DIP2B: variants seen among roughly 807,000 people sequenced by gnomAD.
DIP2B encodes the protein DIP2 acetate--CoA ligase B (putative).
Under a neutral mutation model 198.0 loss-of-function variants are expected in DIP2B, and 76 were observed. The observed-to-expected ratio is 0.38, with a 90% CI of 0.32 to 0.46. DIP2B has a LOEUF of 0.46. DIP2B is among the 20% of genes least tolerant of loss of function. DIP2B has a pLI of 0.99. For missense variants in DIP2B, 1,559 were observed against 1,978.4 expected (o/e 0.79, Z 4.02); for synonymous variants, 701 against 739.1 (o/e 0.95, Z 0.84).
chr12:50,719,300 C>G (rs1286918959), intron 25 of DIP2B, among the ~76,000 whole-genome samples: 1 of 152,108 alleles, frequency 6.6e-6, no homozygotes, highest in East Asian at 1.9e-4. Context: ...GAAATGGAGC[C>G]AACAATGCAA....
At position 50,697,086 on chromosome 12, in the gene DIP2B, C is replaced by T. The variant is rs754086810; in HGVS notation, c.1959C>T (p.Phe653=). 1 of 1,613,974 alleles carries T rather than the reference C, an allele frequency of 6.2e-7. No individual in the cohort carries two copies. The highest frequency in any genetic ancestry group is 1.7e-5 in the Admixed American group (1 of 59,982). Residue 653 remains phenylalanine (F), a synonymous_variant, in exon 17 of 38, where the codon TTC becomes TTT. Coordinates refer to ENST00000301180, the MANE Select transcript of DIP2B (RefSeq NM_173602.3). ...NPWSVSSCDA[F]LSLFQSHGLK... The stretch of plus-strand genomic sequence containing the variant: ...GGTCCGTGTCATCCTGTGATGCCTT[C>T]CTGAGTCTGTTCCAAAGTCATGGAC...
At chr12:50,632,757 A>C (rs568977006) in intron 2 of DIP2B, among the ~76,000 whole-genome samples, 5 of 151,714 alleles carry the variant, frequency 3.3e-5, no homozygotes, top group African/African-American at 1.2e-4. Context: ...GGCTGGTCTC[A>C]AACTCCTGAC....
chr12:50,609,154 A>T (rs978016237), intron 1 of DIP2B, among the ~76,000 whole-genome samples: 2 of 152,186 alleles, frequency 1.3e-5, no homozygotes, highest in Non-Finnish European at 2.9e-5. Flanking sequence ...TAAAAAAAAA[A>T]TTATCAAGAG....
intron 32 of DIP2B, 105 bp downstream of exon 32, chr12:50,732,641 A>G (rs2139599089): frequency 1.4e-6 from 2 of 1,409,784 alleles, no homozygotes; most frequent in Non-Finnish European, 9.7e-7. Flanking sequence ...CCCCAGCCGC[A>G]CTTACTTGCT....
At chr12:50,602,853 G>A (rs1332097568) in intron 1 of DIP2B, among the ~76,000 whole-genome samples, 4 of 84,440 alleles carry the variant, frequency 4.7e-5, no homozygotes, top group Non-Finnish European at 8.7e-5. Flanking sequence ...GTGAGACTCT[G>A]TCTCAAAAAA....
intron 1 of DIP2B, among the ~76,000 whole-genome samples, chr12:50,594,512 T>G (rs1183537780): frequency 6.6e-6 from 1 of 152,226 alleles, no homozygotes. Context: ...TTCGGTTCAG[T>G]TTAGAATTCA....
Position 50,630,890 on chromosome 12 carries a change from C to T in DIP2B, c.172+4843C>T, listed in dbSNP as rs1417966210. Among the ~76,000 whole-genome samples, 7 of 151,946 alleles carry T rather than the reference C, an allele frequency of 4.6e-5. No homozygotes were observed. The South Asian group carries it at 1.2e-3, about 27-fold the overall frequency. On this transcript the variant is annotated intron_variant, in intron 2 of 37. Coordinates refer to ENST00000301180, the MANE Select transcript of DIP2B (RefSeq NM_173602.3). Reference sequence around the variant, plus strand: ...TTCTCCATGTTCATCAGGCTGGTCTCGAACTCCTGACCTCAGGTGATCCAC... The same window carrying T: ...TTCTCCATGTTCATCAGGCTGGTCTTGAACTCCTGACCTCAGGTGATCCAC...
intron 25 of DIP2B, among the ~76,000 whole-genome samples, chr12:50,719,305 A>G (rs1939790282): frequency 6.6e-6 from 1 of 152,194 alleles, no homozygotes; most frequent in Non-Finnish European, 1.5e-5. Context: ...GGAGCCAACA[A>G]TGCAATTACA....
chr12:50,678,899 C>T (rs777002157), intron 8 of DIP2B, 23 bp downstream of exon 8: 24 of 1,613,228 alleles, frequency 1.5e-5, no homozygotes, highest in Non-Finnish European at 1.9e-5. Flanking sequence ...GATTCCAGAT[C>T]CTTCTCTCCT....
chr12:50,630,226 G>A (rs1938018992), intron 2 of DIP2B, among the ~76,000 whole-genome samples: 1 of 152,102 alleles, frequency 6.6e-6, no homozygotes, highest in South Asian at 2.1e-4. Flanking sequence ...GGGATTACAG[G>A]TGTGAGCCAC....
Position 50,708,570 on chromosome 12 carries a change from C to T in DIP2B, c.2649+8C>T, listed in dbSNP as rs1939556946. On this transcript the variant is annotated splice_region_variant and intron_variant, in intron 22 of 37. Coordinates refer to ENST00000301180, the MANE Select transcript of DIP2B (RefSeq NM_173602.3). ...ATGAGCCGCGTGCTGCAGGTGAGCACACTTTGGGGTCTGTGTCAGGTCAGC... is the reference window on the plus strand; with the variant it reads ...ATGAGCCGCGTGCTGCAGGTGAGCATACTTTGGGGTCTGTGTCAGGTCAGC... 4 of 1,577,060 alleles carry T rather than the reference C, an allele frequency of 2.5e-6. No homozygotes were observed. The Admixed American group carries it at 5.5e-5, about 22-fold the overall frequency.
chr12:50,640,796 CCTCT>C lies in DIP2B; in HGVS notation c.246_249del (p.Lys84ThrfsTer70), dbSNP rs769706407. The C allele has an allele frequency of 1.2e-6, 2 of 1,613,954 alleles. No individual in the cohort carries two copies. The highest frequency in any genetic ancestry group is 1.7e-6 in the Non-Finnish European group (2 of 1,179,896). The stretch of plus-strand genomic sequence containing the variant: ...CCATCTGCAGCTCAAACTTCTGCTC[CCTCT>C]AAGTACCACCGAACTCGATCTGGGG... On this transcript the variant is annotated frameshift_variant, in exon 3 of 38. Transcript: ENST00000301180. LOFTEE classifies it high-confidence loss of function.
In DIP2B at chr12:50,718,789, C is replaced by G; in HGVS notation, c.2932C>G (p.Gln978Glu). The change falls in exon 24 of 38, where the codon CAA (glutamine) becomes GAA (glutamate). Residue 978 changes from glutamine to glutamate, a missense_variant. Transcript: ENST00000301180. ...ACAAGCTGCTGGAAGGGATCTGGGA[C>G]AAATAGAAGAGAATGATTTGGTGAG... is the stretch of plus-strand genomic sequence containing the variant. ...IAQAAGRDLG[Q>E]IEENDLVRKH... 1.2e-6 allele frequency: 2 copies of G among 1,614,110 alleles called. No homozygotes were observed. The highest frequency in any genetic ancestry group is 1.7e-6 in the Non-Finnish European group (2 of 1,180,018).
At chr12:50,575,997 ATCTGCCT>A (rs1774333450) in intron 1 of DIP2B, among the ~76,000 whole-genome samples, 1 of 151,696 alleles carries the variant, frequency 6.6e-6, no homozygotes, top group South Asian at 2.1e-4. Flanking sequence ...ACCTTAGATG[ATCTGCCT>A]GGCTTGGCCT....
chr12:50,744,810 G>A lies in DIP2B; in HGVS notation c.4702G>A (p.Asp1568Asn). 6.2e-7 allele frequency: 1 copy of A among 1,614,178 alleles called. No homozygotes were observed. Among genetic ancestry groups the A allele is most frequent in the African/African-American group, 1.3e-5 (1 of 75,040 alleles). The change falls in exon 38 of 38, where the codon GAC becomes AAC. Residue 1568 changes from aspartate (D) to asparagine (N), a missense_variant. Transcript: ENST00000301180. ...TGATAGCTTCCTAGCTGACCAGTTA[G>A]ACCCCATCTACGTGGCTTATAACAT... is the stretch of plus-strand genomic sequence containing the variant. ...LRDSFLADQL[D>N]PIYVAYNM
At chr12:50,663,706 C>T (rs1938696124) in intron 4 of DIP2B, among the ~76,000 whole-genome samples, 2 of 151,094 alleles carry the variant, frequency 1.3e-5, no homozygotes, top group South Asian at 4.2e-4. Flanking sequence ...CCCATCTCTA[C>T]AAAAAATTAA....
intron 3 of DIP2B, among the ~76,000 whole-genome samples, chr12:50,641,083 G>A (rs932098773): frequency 2.6e-5 from 4 of 152,194 alleles, no homozygotes; most frequent in Admixed American, 6.5e-5. Context: ...CCGGCTGGGC[G>A]ATGTGGCTCA....
At chr12:50,509,106 A>G (rs1957992737) in intron 1 of DIP2B, among the ~76,000 whole-genome samples, 1 of 147,208 alleles carries the variant, frequency 6.8e-6, no homozygotes, top group Admixed American at 7.0e-5. Flanking sequence ...TACTGTGTGC[A>G]AATGAGCAGG....
At position 50,744,502 on chromosome 12, in the gene DIP2B, G is replaced by A. The variant is rs1009701592; in HGVS notation, c.4479-85G>A. 1.3e-5 allele frequency: 21 copies of A among 1,564,260 alleles called. No homozygotes were observed. In the African/African-American group the frequency reaches 2.6e-4, roughly 19 times the overall value. On this transcript the variant is annotated intron_variant, in intron 37 of 37. Transcript: ENST00000301180. ...GTTGGGATTGAGGGGAGAAGGCGGGGAAATGGGCTAAGTCTGGGACAGATG... is the reference window on the plus strand; with the variant it reads ...GTTGGGATTGAGGGGAGAAGGCGGGAAAATGGGCTAAGTCTGGGACAGATG...
Sources: allele counts gnomAD v4.1 joint callset (sites outside exome capture counted in the v4.1 genomes callset), GRCh38; gene constraint gnomAD v4.1.1; transcripts MANE v1.5; gene names NCBI Gene and HGNC (gene_info 2026-07-23, HGNC 2026-07-21).